WDR64: variants seen among roughly 807,000 people sequenced by gnomAD.
WDR64 encodes WD repeat-containing protein 64.
WDR64 carries 112 observed loss-of-function variants against 139.3 expected under a neutral mutation model. That is an observed-to-expected ratio of 0.80 (90% CI 0.69 to 0.94). The LOEUF is 0.94. Among genes scored for constraint, WDR64 ranks in the 40% least tolerant of loss-of-function variants. The pLI is 0.00. For missense variants in WDR64, 1,206 were observed against 1,293.1 expected, an observed-to-expected ratio of 0.93 and a Z score of 1.03; for synonymous variants, 444 against 437.7, an observed-to-expected ratio of 1.01 and a Z score of -0.18.
At chr1:241,797,735 T>C (rs1019670537) in intron 27 of WDR64, among the ~76,000 whole-genome samples, 3 of 152,102 alleles carry the variant, frequency 2.0e-5, no homozygotes, top group African/African-American at 7.2e-5. Context: ...AATTGTTTTA[T>C]GTAACTGATG....
chr1:241,721,207 A>G (rs991376722), intron 9 of WDR64, among the ~76,000 whole-genome samples: 5 of 152,096 alleles, frequency 3.3e-5, no homozygotes, highest in Admixed American at 1.3e-4. Flanking sequence ...GCTTTGTAGT[A>G]TAGTTTGAAG....
At chr1:241,729,150 A>G (rs1668976025) in intron 10 of WDR64, among the ~76,000 whole-genome samples, 6 of 152,102 alleles carry the variant, frequency 3.9e-5, no homozygotes, top group Admixed American at 3.3e-4. Context: ...TGATCCTTCT[A>G]TCTCTGTAAG....
chr1:241,774,103 C>A (rs776561979), intron 20 of WDR64, among the ~76,000 whole-genome samples: 2 of 152,110 alleles, frequency 1.3e-5, no homozygotes, highest in Non-Finnish European at 2.9e-5. Context: ...TCTTGAGTAG[C>A]CTGAGGGTGA....
chr1:241,725,853 G>A (rs1208011980), intron 10 of WDR64, among the ~76,000 whole-genome samples: 1 of 151,992 alleles, frequency 6.6e-6, no homozygotes, highest in Non-Finnish European at 1.5e-5. Flanking sequence ...TTTGAGACAG[G>A]ATCTTGCTCT....
intron 8 of WDR64, among the ~76,000 whole-genome samples, chr1:241,710,355 G>A (rs1668111400): frequency 6.6e-6 from 1 of 152,170 alleles, no homozygotes; most frequent in Non-Finnish European, 1.5e-5. Flanking sequence ...TTGAAGCACG[G>A]TGATGGAGCC....
At chr1:241,762,445 G>A (rs1207867545) in intron 15 of WDR64, among the ~76,000 whole-genome samples, 1 of 152,138 alleles carries the variant, frequency 6.6e-6, no homozygotes, top group East Asian at 1.9e-4. Flanking sequence ...GGGATGAAGT[G>A]TTTGGGGCAT....
intron 23 of WDR64, among the ~76,000 whole-genome samples, chr1:241,784,953 G>GGATAAA (rs766802128): frequency 3.2e-5 from 2 of 62,250 alleles, no homozygotes; most frequent in Non-Finnish European, 6.2e-5. Flanking sequence ...GACTCTGTCT[G>GGATAAA]AAAAAAAAAA....
At chr1:241,675,054 T>C (rs1216328307) in intron 4 of WDR64, among the ~76,000 whole-genome samples, 3 of 45,174 alleles carry the variant, frequency 6.6e-5, no homozygotes, top group East Asian at 6.4e-4. Flanking sequence ...TTCCTTCCTT[T>C]TCTCCCTTCC....
At position 241,738,433 on chromosome 1, in the gene WDR64, G is replaced by A; in HGVS notation, c.1265G>A (p.Gly422Glu). ...QVFHDSQGGP[G>E]DMQIYSMIYD... is the part of the protein sequence containing the mutation. ...TTCCATGACAGCCAGGGAGGACCAG[G>A]AGACATGCAGATTTACTCTATGATA... is the stretch of plus-strand genomic sequence containing the variant. Residue 422 changes from glycine to glutamate, a missense_variant, in exon 11 of 28, where the codon GGA becomes GAA. Transcript: ENST00000437684. 1 of 1,613,864 alleles carries A rather than the reference G, an allele frequency of 6.2e-7. No individual in the cohort carries two copies. The highest frequency in any genetic ancestry group is 2.2e-5 in the East Asian group (1 of 44,856).
At chr1:241,763,692 A>G (rs61827083) in intron 15 of WDR64, among the ~76,000 whole-genome samples, 22,911 of 152,196 alleles carry the variant, frequency 0.15, 1,918 homozygotes, top group African/African-American at 0.19. Context: ...GCAACAGAGC[A>G]AGACTCAGTC....
At position 241,666,126 on chromosome 1, in the gene WDR64, G is replaced by A. The variant is rs554128534; in HGVS notation, c.277-4948G>A. Among the ~76,000 whole-genome samples, 6 of 152,076 alleles carry A rather than the reference G, an allele frequency of 3.9e-5. No individual in the cohort carries two copies. The East Asian group carries it at 1.2e-3, about 29-fold the overall frequency. On this transcript the variant is annotated intron_variant, in intron 2 of 27. Transcript: ENST00000437684. ...TGGAGCAAGACTTTTAAATAGCATAGTTAAAATAAAATTAACACTCTAATA... is the reference window on the plus strand; with the variant it reads ...TGGAGCAAGACTTTTAAATAGCATAATTAAAATAAAATTAACACTCTAATA...
chr1:241,716,920 C>T (rs1216927649), intron 9 of WDR64, among the ~76,000 whole-genome samples: 2 of 152,136 alleles, frequency 1.3e-5, no homozygotes, highest in African/African-American at 4.8e-5. Flanking sequence ...TCTCAGGTGG[C>T]AGATCTCTAT....
At chr1:241,733,891 A>T (rs560629232) in intron 10 of WDR64, among the ~76,000 whole-genome samples, 79 of 152,120 alleles carry the variant, frequency 5.2e-4, no homozygotes, top group African/African-American at 1.9e-3. Flanking sequence ...TGTCCTCCCA[A>T]GCTTTGCATC....
chr1:241,735,853 CTCTGTG>C (rs776786915), intron 10 of WDR64, among the ~76,000 whole-genome samples: 134 of 91,308 alleles, frequency 1.5e-3, no homozygotes, highest in Non-Finnish European at 1.4e-3. Flanking sequence ...CTCTCTCTCT[CTCTGTG>C]TGTGTGTGTG....
intron 4 of WDR64, chr1:241,677,312 T>C (rs1666594486): frequency 2.5e-6 from 1 of 398,428 alleles, no homozygotes; most frequent in Non-Finnish European, 4.4e-6. Flanking sequence ...CCGGTTTTCT[T>C]ACAGCGATGT....
At chr1:241,733,135 A>G (rs1460087778) in intron 10 of WDR64, among the ~76,000 whole-genome samples, 3 of 152,122 alleles carry the variant, frequency 2.0e-5, no homozygotes, top group East Asian at 1.9e-4. Context: ...TGTTTTTCCC[A>G]TTGTTAAAAA....
chr1:241,706,013 C>G (rs200115647), intron 8 of WDR64, among the ~76,000 whole-genome samples: 1 of 125,828 alleles, frequency 7.9e-6, no homozygotes, highest in African/African-American at 3.1e-5. Flanking sequence ...TTTTCATATA[C>G]TTTTATGTCT....
intron 25 of WDR64, among the ~76,000 whole-genome samples, chr1:241,791,709 G>C (rs1477770189): frequency 1.3e-5 from 2 of 152,026 alleles, no homozygotes; most frequent in Non-Finnish European, 2.9e-5. Flanking sequence ...AAAGATTAAA[G>C]TGATTAGACT....
At chr1:241,744,131 C>T (rs528824149) in intron 12 of WDR64, among the ~76,000 whole-genome samples, 1 of 152,346 alleles carries the variant, frequency 6.6e-6, no homozygotes, top group African/African-American at 2.4e-5. Context: ...CAACTGACCA[C>T]TTCTTCCATG....
Sources: allele counts gnomAD v4.1 joint callset (sites outside exome capture counted in the v4.1 genomes callset), GRCh38; gene constraint gnomAD v4.1.1; transcripts MANE v1.5; gene names NCBI Gene and HGNC (gene_info 2026-07-23, HGNC 2026-07-21).